The following GNAQ variants were observed in gnomAD, a reference collection of about 807,000 sequenced individuals.
GNAQ encodes guanine nucleotide-binding protein G(q) subunit alpha.
Under a neutral mutation model 43.9 loss-of-function variants are expected in GNAQ, and 8 were observed. The observed-to-expected ratio is 0.18, with a 90% confidence interval of 0.11 to 0.33. The LOEUF is 0.33. Ranked by LOEUF, GNAQ falls within the 10% of genes least tolerant of loss-of-function variation. GNAQ has a pLI of 1.00. For synonymous variants in GNAQ, 155 were observed against 170.7 expected (o/e 0.91, Z 0.71); for missense variants, 158 against 450.8 (o/e 0.35, Z 5.88).
chr9:77,751,088 C>T (rs1476896243), intron 5 of GNAQ, among the ~76,000 whole-genome samples: 4 of 152,100 alleles, frequency 2.6e-5, no homozygotes, highest in Non-Finnish European at 5.9e-5. Flanking sequence ...AAATAGCATC[C>T]ATCATGTTAA....
intron 1 of GNAQ, among the ~76,000 whole-genome samples, chr9:77,949,207 C>T (rs1420847228): frequency 2.0e-5 from 3 of 152,200 alleles, no homozygotes; most frequent in African/African-American, 7.2e-5. Context: ...CACCACCAGG[C>T]TGTAGAGCAA....
intron 5 of GNAQ, among the ~76,000 whole-genome samples, chr9:77,763,153 A>AAC (rs1826081038): frequency 1.3e-5 from 2 of 150,250 alleles, no homozygotes; most frequent in Admixed American, 6.6e-5. Flanking sequence ...AAAAAAAAAA[A>AAC]AACAAAGGAA....
At chr9:78,005,144 C>T (rs1050267958) in intron 1 of GNAQ, among the ~76,000 whole-genome samples, 5 of 152,268 alleles carry the variant, frequency 3.3e-5, no homozygotes, top group African/African-American at 7.2e-5. Flanking sequence ...CCTCACCTCA[C>T]GGGCTCAAGC....
chr9:77,978,917 G>A (rs943289351), intron 1 of GNAQ, among the ~76,000 whole-genome samples: 1 of 151,956 alleles, frequency 6.6e-6, no homozygotes, highest in Non-Finnish European at 1.5e-5. Context: ...TCAGCCGGGC[G>A]TGGTGGCACT....
intron 1 of GNAQ, among the ~76,000 whole-genome samples, chr9:78,022,078 C>T (rs1289600958): frequency 6.6e-6 from 1 of 152,194 alleles, no homozygotes; most frequent in Non-Finnish European, 1.5e-5. Flanking sequence ...AGGCTTCATT[C>T]ACAGGCCCCC....
rs2118492609 is a variant in GNAQ at position 77,808,740 on chromosome 9, A to G, written c.476+6876T>C. Reference sequence around the variant, plus strand: ...TCACATATAATCTATGTCTGAGGAAAGTGACGCTTAGTCAATGCCCCCGAG... The same window carrying G: ...TCACATATAATCTATGTCTGAGGAAGGTGACGCTTAGTCAATGCCCCCGAG... On this transcript the variant is annotated intron_variant, in intron 3 of 6. Transcript: ENST00000286548. Among the ~76,000 whole-genome samples, 3 of 152,262 alleles carry G rather than the reference A, an allele frequency of 2.0e-5. 1 individual carries two copies. In the Middle Eastern group the frequency reaches 0.01, roughly 518 times the overall value.
intron 3 of GNAQ, among the ~76,000 whole-genome samples, chr9:77,801,518 A>C (rs1002339474): frequency 2.6e-5 from 4 of 152,206 alleles, no homozygotes; most frequent in Non-Finnish European, 5.9e-5. Context: ...GACGCTTCAT[A>C]AATTTCTGGT....
chr9:77,850,971 T>C (rs995909952), intron 2 of GNAQ, among the ~76,000 whole-genome samples: 3 of 152,122 alleles, frequency 2.0e-5, no homozygotes, highest in East Asian at 1.9e-4. Flanking sequence ...TCTTTTCTCC[T>C]CTTCCCAGCT....
At chr9:77,882,184 T>G (rs1462361739) in intron 2 of GNAQ, among the ~76,000 whole-genome samples, 1 of 152,122 alleles carries the variant, frequency 6.6e-6, no homozygotes, top group Non-Finnish European at 1.5e-5. Context: ...CAGTATGAGT[T>G]TATGGCCATA....
At chr9:77,964,314 C>T (rs1167602278) in intron 1 of GNAQ, among the ~76,000 whole-genome samples, 2 of 152,028 alleles carry the variant, frequency 1.3e-5, no homozygotes, top group Non-Finnish European at 1.5e-5. Context: ...GACAAGTCTA[C>T]GATTATACTC....
At chr9:77,894,594 T>G (rs1828469887) in intron 2 of GNAQ, among the ~76,000 whole-genome samples, 1 of 150,590 alleles carries the variant, frequency 6.6e-6, no homozygotes. Context: ...AGCTAATTTT[T>G]GTATTTTTAG....
intron 2 of GNAQ, among the ~76,000 whole-genome samples, chr9:77,824,271 T>C (rs7861906): frequency 6.6e-6 from 1 of 152,192 alleles, no homozygotes; most frequent in African/African-American, 2.4e-5. Context: ...ACCTTAATAG[T>C]TTTAATTCAG....
chr9:77,827,938 T>C (rs963005583), intron 2 of GNAQ, among the ~76,000 whole-genome samples: 1 of 151,108 alleles, frequency 6.6e-6, no homozygotes, highest in Non-Finnish European at 1.5e-5. Context: ...CAGGCACCTG[T>C]AGTCCCAGCT....
At chr9:77,935,464 T>C (rs139018737) in intron 1 of GNAQ, among the ~76,000 whole-genome samples, 143 of 152,316 alleles carry the variant, frequency 9.4e-4, no homozygotes, top group African/African-American at 3.3e-3. Flanking sequence ...AAGATTCAGC[T>C]TTTGTAAAAA....
chr9:77,763,151 A>C (rs1323684482), intron 5 of GNAQ, among the ~76,000 whole-genome samples: 2 of 145,832 alleles, frequency 1.4e-5, no homozygotes, highest in African/African-American at 2.5e-5. Flanking sequence ...CAAAAAAAAA[A>C]AAAACAAAGG....
At chr9:77,879,455 C>T (rs1252214583) in intron 2 of GNAQ, among the ~76,000 whole-genome samples, 1 of 152,084 alleles carries the variant, frequency 6.6e-6, no homozygotes, top group East Asian at 1.9e-4. Context: ...GACTGGGTTT[C>T]ACCACGTTGG....
intron 5 of GNAQ, among the ~76,000 whole-genome samples, chr9:77,766,971 T>C (rs11145558): frequency 0.6 from 91,359 of 151,890 alleles, 28,303 homozygotes; most frequent in Middle Eastern, 0.71. Context: ...ACTCTCTGAC[T>C]TCATGTTCTT....
At chr9:78,026,878 T>C (rs987065887) in intron 1 of GNAQ, among the ~76,000 whole-genome samples, 4 of 152,222 alleles carry the variant, frequency 2.6e-5, no homozygotes, top group East Asian at 1.9e-4. Context: ...TATTTAATTA[T>C]GGTGGTTTTC....
chr9:77,741,243 T>C (rs1426801484), intron 5 of GNAQ, among the ~76,000 whole-genome samples: 5 of 152,174 alleles, frequency 3.3e-5, no homozygotes, highest in Non-Finnish European at 1.5e-5. Flanking sequence ...GAGTAACACA[T>C]GTAGAAGGAA....
Sources: allele counts gnomAD v4.1 joint callset (sites outside exome capture counted in the v4.1 genomes callset), GRCh38; gene constraint gnomAD v4.1.1; transcripts MANE v1.5; gene names NCBI Gene and HGNC (gene_info 2026-07-23, HGNC 2026-07-21).